HHAT: variants seen among roughly 807,000 people sequenced by gnomAD.
HHAT encodes the protein protein-cysteine N-palmitoyltransferase HHAT.
Under a neutral mutation model 70.8 loss-of-function variants are expected in HHAT, and 47 were observed. The observed-to-expected ratio is 0.66, with a 90% confidence interval of 0.53 to 0.85. The LOEUF is 0.85. Among genes scored for constraint, HHAT ranks in the 40% least tolerant of loss-of-function variants. HHAT has a pLI of 0.00. For synonymous variants in HHAT, 228 were observed against 247.6 expected, an observed-to-expected ratio of 0.92 and a Z score of 0.74; for missense variants, 609 against 604.8, an observed-to-expected ratio of 1.01 and a Z score of -0.07.
intron 10 of HHAT, among the ~76,000 whole-genome samples, chr1:210,598,272 G>T (rs1477438795): frequency 1.3e-5 from 2 of 151,858 alleles, no homozygotes; most frequent in East Asian, 3.9e-4. Flanking sequence ...CTGTCTTGGA[G>T]CTGTGAGCTA....
At chr1:210,522,827 C>T (rs1387843288) in intron 9 of HHAT, among the ~76,000 whole-genome samples, 1 of 151,956 alleles carries the variant, frequency 6.6e-6, no homozygotes, top group Non-Finnish European at 1.5e-5. Context: ...TCCTGGCACG[C>T]TCTCTTTCTA....
chr1:210,592,763 C>A (rs977847074), intron 10 of HHAT, among the ~76,000 whole-genome samples: 2 of 151,728 alleles, frequency 1.3e-5, no homozygotes, highest in Non-Finnish European at 2.9e-5. Context: ...TGGTTAATTC[C>A]TAGGTATTTA....
chr1:210,485,484 C>T (rs558537142), intron 8 of HHAT, among the ~76,000 whole-genome samples: 16 of 152,206 alleles, frequency 1.1e-4, no homozygotes, highest in African/African-American at 2.6e-4. Context: ...CTCCCACCAG[C>T]GACTCCTCAG....
At position 210,348,924 on chromosome 1, in the gene HHAT, G is replaced by A; in HGVS notation, c.-43-9G>A. ...GTTCATGGCTTAAAGTTTTGTCTCT[G>A]TTTCTCAGAAACTCTCAGCGTAGGC... On this transcript the variant is annotated splice_polypyrimidine_tract_variant and intron_variant, in intron 1 of 11. Coordinates refer to ENST00000261458, the MANE Select transcript of HHAT (RefSeq NM_018194.6). 1 of 1,601,484 alleles carries A rather than the reference G, an allele frequency of 6.2e-7. No homozygotes were observed. Among genetic ancestry groups the A allele is most frequent in the Middle Eastern group, 1.7e-4 (1 of 5,984 alleles).
intron 1 of HHAT, among the ~76,000 whole-genome samples, chr1:210,334,004 T>C (rs2085238853): frequency 6.6e-6 from 1 of 151,892 alleles, no homozygotes; most frequent in Admixed American, 6.6e-5. Flanking sequence ...TATAATCCAA[T>C]GAAATGCTAA....
At chr1:210,484,316 C>T (rs1455680953) in intron 8 of HHAT, among the ~76,000 whole-genome samples, 1 of 151,986 alleles carries the variant, frequency 6.6e-6, no homozygotes, top group African/African-American at 2.4e-5. Flanking sequence ...TTGAAGTATC[C>T]TAATGATGAG....
intron 8 of HHAT, among the ~76,000 whole-genome samples, chr1:210,508,405 A>C (rs2094898933): frequency 6.6e-6 from 1 of 152,160 alleles, no homozygotes; most frequent in South Asian, 2.1e-4. Context: ...TCACTTTCTC[A>C]TATGATACTT....
intron 11 of HHAT, among the ~76,000 whole-genome samples, chr1:210,623,871 A>G (rs532642858): frequency 7.9e-5 from 12 of 152,218 alleles, no homozygotes; most frequent in Admixed American, 7.2e-4. Flanking sequence ...GGTACCCCAT[A>G]TCTCCTGTAT....
chr1:210,331,454 G>T (rs2084977966), intron 1 of HHAT, among the ~76,000 whole-genome samples: 1 of 152,164 alleles, frequency 6.6e-6, no homozygotes, highest in Non-Finnish European at 1.5e-5. Context: ...ATGGATATTT[G>T]AAGTTGTCTT....
intron 8 of HHAT, among the ~76,000 whole-genome samples, chr1:210,490,939 A>T (rs1025788913): frequency 6.6e-6 from 1 of 152,118 alleles, no homozygotes; most frequent in Non-Finnish European, 1.5e-5. Context: ...TGTAAGGAGC[A>T]TAGGAAAAAA....
chr1:210,601,340 G>A (rs1388750288), intron 10 of HHAT, among the ~76,000 whole-genome samples: 1 of 152,062 alleles, frequency 6.6e-6, no homozygotes, highest in Middle Eastern at 3.2e-3. Flanking sequence ...TTTTCGTTAG[G>A]GGTCAGTAGT....
chr1:210,333,562 G>A (rs1469491335), intron 1 of HHAT, among the ~76,000 whole-genome samples: 1 of 152,136 alleles, frequency 6.6e-6, no homozygotes, highest in Non-Finnish European at 1.5e-5. Context: ...TGATGCCCAT[G>A]TAAATGGTAT....
At chr1:210,503,000 C>T (rs111996655) in intron 8 of HHAT, among the ~76,000 whole-genome samples, 17,469 of 150,602 alleles carry the variant, frequency 0.12, 1,325 homozygotes, top group South Asian at 0.23. Flanking sequence ...CGGTCTCCCT[C>T]TGTCACCCAG....
chr1:210,666,359 T>C (rs1678893488), intron 11 of HHAT, among the ~76,000 whole-genome samples: 1 of 152,224 alleles, frequency 6.6e-6, no homozygotes, highest in Admixed American at 6.5e-5. Context: ...CCAGTCCTCC[T>C]GCCCCACAGA....
chr1:210,343,684 G>A (rs976487764), intron 1 of HHAT, among the ~76,000 whole-genome samples: 11 of 152,158 alleles, frequency 7.2e-5, no homozygotes, highest in African/African-American at 1.9e-4. Context: ...GGTGGTCCCC[G>A]GGGATAGTTT....
intron 2 of HHAT, among the ~76,000 whole-genome samples, chr1:210,362,315 G>C (rs2088432125): frequency 6.7e-6 from 1 of 149,236 alleles, no homozygotes; most frequent in Non-Finnish European, 1.5e-5. Flanking sequence ...GCATAATCTT[G>C]GCTCAATGCA....
chr1:210,555,099 C>T (rs542655582), intron 9 of HHAT, among the ~76,000 whole-genome samples: 10 of 152,234 alleles, frequency 6.6e-5, no homozygotes, highest in Non-Finnish European at 1.3e-4. Flanking sequence ...GGGGGATCCC[C>T]TCAAGGAACC....
At chr1:210,360,304 G>GTT (rs398053777) in intron 2 of HHAT, among the ~76,000 whole-genome samples, 1,975 of 138,128 alleles carry the variant, frequency 0.014, 52 homozygotes, top group African/African-American at 0.047. Context: ...TTGTTTTTGT[G>GTT]TTTTTTTTTT....
intron 7 of HHAT, among the ~76,000 whole-genome samples, chr1:210,455,782 C>A (rs1330347366): frequency 2.0e-5 from 3 of 152,140 alleles, no homozygotes; most frequent in Non-Finnish European, 4.4e-5. Context: ...GATTGGGTTC[C>A]CTCCTGATTG....
Sources: gnomAD v4.1 joint callset for allele counts (sites outside exome capture counted in the v4.1 genomes callset) on GRCh38, gnomAD v4.1.1 for gene constraint, MANE v1.5 for transcripts, NCBI Gene and HGNC (gene_info 2026-07-23, HGNC 2026-07-21) for gene names.